The following SVEP1 variants were observed in gnomAD, a reference collection of about 807,000 sequenced individuals.
SVEP1 encodes sushi, von Willebrand factor type A, EGF and pentraxin domain containing 1.
SVEP1 carries 164 observed loss-of-function variants against 367.3 expected under a neutral mutation model. That is an observed-to-expected ratio of 0.45 (90% CI 0.39 to 0.51). SVEP1 has a LOEUF of 0.51. Ranked by LOEUF, SVEP1 falls within the 20% of genes least tolerant of loss-of-function variation. SVEP1 has a pLI of 0.00. For missense variants in SVEP1, 4,117 were observed against 4,425.3 expected, an observed-to-expected ratio of 0.93 and a Z score of 1.98; for synonymous variants, 1,666 against 1,611.6, an observed-to-expected ratio of 1.03 and a Z score of -0.81.
intron 26 of SVEP1, among the ~76,000 whole-genome samples, chr9:110,445,402 G>A (rs559284848): frequency 6.6e-6 from 1 of 152,280 alleles, no homozygotes; most frequent in African/African-American, 2.4e-5. Flanking sequence ...CAAGGTCAAT[G>A]ATGTCACTGA....
chr9:110,562,231 G>GT (rs1170592784), intron 1 of SVEP1, among the ~76,000 whole-genome samples: 127 of 139,068 alleles, frequency 9.1e-4, no homozygotes, highest in Non-Finnish European at 7.4e-4. Context: ...AATATGAATA[G>GT]CAAAAACAAA....
At chr9:110,552,680 G>A (rs868430532) in intron 1 of SVEP1, among the ~76,000 whole-genome samples, 5 of 152,006 alleles carry the variant, frequency 3.3e-5, no homozygotes, top group Non-Finnish European at 7.4e-5. Flanking sequence ...TAATGCTGCC[G>A]CTGATCTGAC....
chr9:110,497,740 T>C (rs555320945), intron 7 of SVEP1, among the ~76,000 whole-genome samples: 3 of 152,390 alleles, frequency 2.0e-5, no homozygotes, highest in East Asian at 3.9e-4. Context: ...ACGCCAGTTA[T>C]GGTAGTGCTT....
At position 110,408,623 on chromosome 9, in the gene SVEP1, G is replaced by A. The variant is rs369710771; in HGVS notation, c.6977C>T (p.Pro2326Leu). 226 of 1,613,934 alleles carry A rather than the reference G, an allele frequency of 1.4e-4. No individual in the cohort carries two copies. The highest frequency in any genetic ancestry group is 7.6e-4 in the East Asian group (34 of 44,886). ...PKCMPAKCPE[P>L]PLLENQLVLK... is the part of the protein sequence containing the mutation. The stretch of plus-strand genomic sequence containing the variant: ...TACTAGCTGGTTTTCCAAGAGGGGC[G>A]GCTCTGGGCACTTGGCAGGCATGCA... Residue 2326 changes from proline (P) to leucine (L), a missense_variant, in exon 38 of 48, where the codon CCG (proline) becomes CTG (leucine). Physicochemically the swap from Pro to Leu is moderately conservative, Grantham distance 98. Around this residue, in one of 4 missense-constraint regions of SVEP1, gnomAD observed 1,765 missense variants for 1,781.1 expected, o/e 0.99. Coordinates refer to ENST00000374469, the MANE Select transcript of SVEP1 (RefSeq NM_153366.4).
intron 5 of SVEP1, among the ~76,000 whole-genome samples, chr9:110,504,384 G>C (rs1829591396): frequency 6.6e-6 from 1 of 152,226 alleles, no homozygotes; most frequent in Admixed American, 6.5e-5. Context: ...AAAGGGGGCT[G>C]TCTCAATTGA....
At chr9:110,567,701 G>A (rs1016331698) in intron 1 of SVEP1, among the ~76,000 whole-genome samples, 3 of 152,304 alleles carry the variant, frequency 2.0e-5, no homozygotes, top group African/African-American at 4.8e-5. Context: ...TTCTTCACCT[G>A]TGGAAATGTC....
At chr9:110,453,638 T>C (rs1218936312) in intron 22 of SVEP1, among the ~76,000 whole-genome samples, 1 of 151,886 alleles carries the variant, frequency 6.6e-6, no homozygotes, top group Non-Finnish European at 1.5e-5. Context: ...GAGGCTGGAG[T>C]GGGTGGATCA....
At chr9:110,412,032 T>C (rs1216606133) in intron 36 of SVEP1, among the ~76,000 whole-genome samples, 2 of 152,228 alleles carry the variant, frequency 1.3e-5, no homozygotes, top group East Asian at 1.9e-4. Flanking sequence ...GCATTTGAGA[T>C]ATATCAATAC....
At chr9:110,460,332 TA>T (rs1316459781) in intron 18 of SVEP1, among the ~76,000 whole-genome samples, 4 of 151,916 alleles carry the variant, frequency 2.6e-5, no homozygotes, top group Non-Finnish European at 5.9e-5. Flanking sequence ...AAGATAAAAA[TA>T]AATACTTCAT....
At chr9:110,514,265 A>T (rs1165168633) in intron 3 of SVEP1, 159 bp from the exon 4 acceptor site, 3 of 920,390 alleles carry the variant, frequency 3.3e-6, no homozygotes, top group Non-Finnish European at 4.9e-6. Context: ...TAATCCCTGT[A>T]CTTTGGGAAG....
At chr9:110,376,187 G>A (rs1482686512) in intron 45 of SVEP1, among the ~76,000 whole-genome samples, 2 of 152,182 alleles carry the variant, frequency 1.3e-5, no homozygotes, top group African/African-American at 4.8e-5. Context: ...ACTCAGATCT[G>A]CTGATCTCCC....
intron 43 of SVEP1, among the ~76,000 whole-genome samples, chr9:110,384,516 A>G (rs1827490623): frequency 6.6e-6 from 1 of 150,672 alleles, no homozygotes; most frequent in Non-Finnish European, 1.5e-5. Flanking sequence ...TACTGCAATA[A>G]GCTGCTAGCT....
chr9:110,368,692 TTCCTCTC>T lies in SVEP1; in HGVS notation c.10694+1224_10694+1230del, dbSNP rs373110448. ...TGAGTCACTGTTTTTTCTCTTTTAT[TTCCTCTC>T]TTTTGGCTCTCATTTTCTTAAATTC... On this transcript the variant is annotated intron_variant, in intron 47 of 47. Transcript: ENST00000374469. Among the ~76,000 whole-genome samples, 474 of 152,314 alleles carry T rather than the reference TTCCTCTC, an allele frequency of 3.1e-3. 3 individuals are homozygous for T. Among genetic ancestry groups the T allele is most frequent in the African/African-American group, 0.011 (453 of 41,570 alleles).
At position 110,459,001 on chromosome 9, in the gene SVEP1, A is replaced by C; in HGVS notation, c.3435T>G (p.Phe1145Leu). The C allele has an allele frequency of 1.2e-6, 2 of 1,613,866 alleles. No homozygotes were observed. Among genetic ancestry groups the C allele is most frequent in the South Asian group, 1.1e-5 (1 of 91,082 alleles). The part of the protein sequence containing the change: ...AGKAFCLACP[F>L]YGTTPFAGSR... ...AACCAGCGAATGGGGTAGTTCCATA[A>C]AAGGGACAGGCCAGGCAGAAGGCCT... is the stretch of plus-strand genomic sequence containing the variant. Residue 1145 changes from phenylalanine (F) to leucine (L), a missense_variant, in exon 19 of 48, where the codon TTT becomes TTG. Physicochemically the swap from Phe to Leu is conservative, Grantham distance 22. Around this residue, in one of 4 missense-constraint regions of SVEP1, gnomAD observed 2,174 missense variants for 2,494.3 expected, o/e 0.87. Transcript: ENST00000374469.
chr9:110,493,139 G>A (rs1310887020), intron 8 of SVEP1, among the ~76,000 whole-genome samples: 1 of 152,046 alleles, frequency 6.6e-6, no homozygotes, highest in East Asian at 1.9e-4. Context: ...GTATGACAGT[G>A]CTTGGAGCTA....
At chr9:110,394,849 A>G (rs886721626) in intron 40 of SVEP1, among the ~76,000 whole-genome samples, 1 of 152,208 alleles carries the variant, frequency 6.6e-6, no homozygotes, top group Non-Finnish European at 1.5e-5. Context: ...ATATGGGACT[A>G]TGTGAAAAGA....
At chr9:110,565,371 G>T (rs551647437) in intron 1 of SVEP1, among the ~76,000 whole-genome samples, 1 of 152,134 alleles carries the variant, frequency 6.6e-6, no homozygotes, top group Non-Finnish European at 1.5e-5. Flanking sequence ...TTTTGCTTGG[G>T]TTACATTTTA....
chr9:110,505,703 T>C (rs890504436), intron 5 of SVEP1, among the ~76,000 whole-genome samples: 1 of 152,056 alleles, frequency 6.6e-6, no homozygotes, highest in Non-Finnish European at 1.5e-5. Flanking sequence ...CTCTTTTTTC[T>C]CTCTCTCTTT....
At chr9:110,426,550 C>G (rs1384889532) in intron 36 of SVEP1, among the ~76,000 whole-genome samples, 1 of 152,158 alleles carries the variant, frequency 6.6e-6, no homozygotes, top group Non-Finnish European at 1.5e-5. Flanking sequence ...AAAATGGCAA[C>G]TTTTCTGCTG....
Sources: allele counts gnomAD v4.1 joint callset (sites outside exome capture counted in the v4.1 genomes callset), GRCh38; gene constraint gnomAD v4.1.1; regional missense constraint gnomAD v4.1.1; transcripts MANE v1.5; gene names NCBI Gene and HGNC (gene_info 2026-07-23, HGNC 2026-07-21).